The following ASNS variants were observed in gnomAD, a reference collection of about 807,000 sequenced individuals.
ASNS encodes the protein asparagine synthetase [glutamine-hydrolyzing].
A neutral mutation model predicts 62.6 loss-of-function variants in ASNS; 37 were observed. The observed-to-expected ratio is 0.59, with a 90% CI of 0.45 to 0.78. The LOEUF (loss-of-function observed/expected upper bound fraction) is 0.78. Ranked by LOEUF, ASNS falls within the 30% of genes least tolerant of loss-of-function variation. ASNS has a pLI of 0.00. For synonymous variants in ASNS, 207 were observed against 237.9 expected, an observed-to-expected ratio of 0.87 and a Z score of 1.19; for missense variants, 520 against 682.4, an observed-to-expected ratio of 0.76 and a Z score of 2.65.
chr7:97,875,318 T>C (rs1792415484), upstream of ASNS, among the ~76,000 whole-genome samples: 1 of 152,170 alleles, frequency 6.6e-6, no homozygotes, highest in African/African-American at 2.4e-5. Flanking sequence ...TTTTTGTACT[T>C]AGTAGAGACA....
intron 3 of ASNS, among the ~76,000 whole-genome samples, chr7:97,866,778 G>A (rs1302646788): frequency 6.6e-6 from 1 of 152,168 alleles, no homozygotes; most frequent in Admixed American, 6.5e-5. Flanking sequence ...TCACTGAACT[G>A]TCCAAAAATG....
At chr7:97,870,150 A>G in intron 1 of ASNS, 1 of 745,466 alleles carries the variant, frequency 1.3e-6, no homozygotes, top group Non-Finnish European at 1.9e-6. Flanking sequence ...TGCCAGCTCA[A>G]AATGACACAT....
chr7:97,919,845 A>G, the ASNS span, among the ~76,000 whole-genome samples: 9 of 151,326 alleles, frequency 5.9e-5, no homozygotes, highest in South Asian at 1.9e-3. Context: ...AAGGAAAAGG[A>G]AAGCAAGGAA....
chr7:97,865,541 G>A (rs1401976409), intron 3 of ASNS, among the ~76,000 whole-genome samples: 1 of 152,178 alleles, frequency 6.6e-6, no homozygotes, highest in East Asian at 1.9e-4. Context: ...TGTTATGAAT[G>A]CAGGTAGCTC....
chr7:97,863,380 C>T (rs1342985773), intron 4 of ASNS: 2 of 152,110 alleles, frequency 1.3e-5, no homozygotes, highest in Non-Finnish European at 1.5e-5. Flanking sequence ...TCACAAAAGC[C>T]GGTATGATAT....
the ASNS span, chr7:97,898,358 T>G: frequency 3.8e-6 from 2 of 521,144 alleles, no homozygotes; most frequent in Non-Finnish European, 6.9e-6. Flanking sequence ...ATTCTTGGAC[T>G]GGTGGTTCAT....
the ASNS span, among the ~76,000 whole-genome samples, chr7:97,912,201 A>C: frequency 5.2e-4 from 79 of 152,318 alleles, 3 homozygotes; most frequent in East Asian, 0.014. Context: ...AACCCGCCCA[A>C]GTCTCTGTCT....
At chr7:97,901,579 A>C in the ASNS span, among the ~76,000 whole-genome samples, 1 of 152,242 alleles carries the variant, frequency 6.6e-6, no homozygotes, top group Non-Finnish European at 1.5e-5. Context: ...GGAGACAGAG[A>C]GTGAGAACTC....
the ASNS span, among the ~76,000 whole-genome samples, chr7:97,904,317 CAGAGAG>C: frequency 6.1e-5 from 9 of 146,580 alleles, no homozygotes; most frequent in African/African-American, 1.5e-4. Flanking sequence ...CACACACACA[CAGAGAG>C]AGAGAAATTC....
the ASNS span, among the ~76,000 whole-genome samples, chr7:97,922,886 G>A: frequency 6.6e-6 from 1 of 152,122 alleles, no homozygotes; most frequent in African/African-American, 2.4e-5. Flanking sequence ...CTGTCTCCCA[G>A]GTTCAAATGA....
chr7:97,852,793 C>A (rs1049078500), intron 12 of ASNS, among the ~76,000 whole-genome samples: 4 of 152,118 alleles, frequency 2.6e-5, no homozygotes, highest in African/African-American at 9.7e-5. Flanking sequence ...CTCTCTCTCT[C>A]GATTCTAGAT....
rs1374068347 is a variant in ASNS, at chr7:97,870,422, TTC to T, written c.-59-611_-59-610del. On this transcript the variant is annotated intron_variant, in intron 1 of 12. Transcript: ENST00000394308. ...AAACACCCTAAGGAAAAAATATACA[TTC>T]AAGTTGCATAAGTCACTTTGAGCTA... 474 of 249,518 alleles carry T rather than the reference TTC, an allele frequency of 1.9e-3. 5 individuals carry two copies. The highest frequency in any genetic ancestry group is 9.9e-3 in the African/African-American group (442 of 44,482). 15.5% of individuals were successfully genotyped at this position (249,518 alleles called of 1,614,324 possible).
the ASNS span, among the ~76,000 whole-genome samples, chr7:97,919,490 C>T: frequency 1.2e-4 from 18 of 152,308 alleles, no homozygotes; most frequent in Middle Eastern, 3.4e-3. Flanking sequence ...GGGCTTACCC[C>T]TCCATCAGGA....
chr7:97,865,598 C>T (rs1791924407), intron 3 of ASNS, among the ~76,000 whole-genome samples: 1 of 152,190 alleles, frequency 6.6e-6, no homozygotes, highest in African/African-American at 2.4e-5. Context: ...GTCATCTATA[C>T]CTTTATACTA....
chr7:97,890,350 C>T, the ASNS span, among the ~76,000 whole-genome samples: 1 of 151,844 alleles, frequency 6.6e-6, no homozygotes, highest in African/African-American at 2.4e-5. Context: ...CAAATAAATA[C>T]AACTCAAAAA....
intron 4 of ASNS, 132 bp from the exon 5 acceptor site, chr7:97,859,530 A>T (rs768360080): frequency 1.0e-6 from 1 of 982,586 alleles, no homozygotes; most frequent in Non-Finnish European, 1.4e-6. Flanking sequence ...TAAGCAAAAT[A>T]GGAAAAAAAA....
At chr7:97,912,178 T>C in the ASNS span, among the ~76,000 whole-genome samples, 1 of 152,228 alleles carries the variant, frequency 6.6e-6, no homozygotes, top group South Asian at 2.1e-4. Flanking sequence ...TTCTCCTAGC[T>C]TGTAACTGGC....
At chr7:97,881,301 C>T in the ASNS span, among the ~76,000 whole-genome samples, 97 of 152,190 alleles carry the variant, frequency 6.4e-4, no homozygotes, top group East Asian at 0.016. Context: ...AAACCATACA[C>T]TTCAGTATCA....
At chr7:97,861,264 G>A (rs1232031644) in intron 4 of ASNS, among the ~76,000 whole-genome samples, 12 of 151,984 alleles carry the variant, frequency 7.9e-5, no homozygotes, top group Admixed American at 7.9e-4. Flanking sequence ...CACCCGCCTC[G>A]GCCTCCCAAA....
Sources: gnomAD v4.1 joint callset for allele counts (sites outside exome capture counted in the v4.1 genomes callset) on GRCh38, gnomAD v4.1.1 for gene constraint, MANE v1.5 for transcripts, NCBI Gene and HGNC (gene_info 2026-07-23, HGNC 2026-07-21) for gene names.